Variants in THSD7B observed in about 807,000 individuals in gnomAD.
THSD7B encodes thrombospondin type-1 domain-containing protein 7B.
In THSD7B, 138 loss-of-function variants were observed where a neutral mutation model predicts 213.6. The ratio of observed to expected loss-of-function variants is 0.65; its 90% confidence interval spans 0.56 to 0.74. THSD7B has a LOEUF of 0.74. THSD7B is among the 30% of genes least tolerant of loss of function. The pLI, the probability that THSD7B is intolerant of heterozygous loss-of-function variation, is 0.00. For missense variants in THSD7B, 1,931 were observed against 1,991.5 expected, an observed-to-expected ratio of 0.97 and a Z score of 0.58; for synonymous variants, 742 against 687.0, an observed-to-expected ratio of 1.08 and a Z score of -1.25.
intron 7 of THSD7B, among the ~76,000 whole-genome samples, chr2:137,206,609 A>G (rs1195253640): frequency 6.6e-6 from 1 of 151,964 alleles, no homozygotes; most frequent in Non-Finnish European, 1.5e-5. Flanking sequence ...GCCAGCCACC[A>G]CTCCCTATAT....
At chr2:137,492,996 C>T (rs1371694248) in intron 15 of THSD7B, among the ~76,000 whole-genome samples, 1 of 151,316 alleles carries the variant, frequency 6.6e-6, no homozygotes, top group Admixed American at 6.6e-5. Flanking sequence ...TGGTGGGTGC[C>T]TATAATCCCA....
At chr2:136,793,479 G>A (rs1045453147) in intron 1 of THSD7B, among the ~76,000 whole-genome samples, 1 of 151,908 alleles carries the variant, frequency 6.6e-6, no homozygotes, top group Non-Finnish European at 1.5e-5. Context: ...CCAGTGTGTG[G>A]GGTTATCTTT....
At chr2:136,798,293 T>G (rs945526637) in intron 1 of THSD7B, among the ~76,000 whole-genome samples, 2 of 151,964 alleles carry the variant, frequency 1.3e-5, no homozygotes, top group African/African-American at 4.8e-5. Context: ...AATGATAGAC[T>G]AGGGTTGACT....
chr2:137,276,111 G>C lies in THSD7B; in HGVS notation c.2500+85G>C, dbSNP rs1328250264. 16 of 882,870 alleles carry C rather than the reference G, an allele frequency of 1.8e-5. No homozygotes were observed. In the East Asian group the frequency reaches 4.2e-4, roughly 23 times the overall value. 54.7% of individuals were successfully genotyped at this position (882,870 alleles called of 1,614,324 possible). ...ATATGTGTTGCTTACTTTTATATTT[G>C]AATGAATTGTGATATTATTGGCTTG... On this transcript the variant is annotated intron_variant, in intron 12 of 27. Transcript: ENST00000409968.
intron 1 of THSD7B, among the ~76,000 whole-genome samples, chr2:136,865,534 C>T (rs1329943177): frequency 6.6e-6 from 1 of 152,204 alleles, no homozygotes; most frequent in African/African-American, 2.4e-5. Context: ...CAACATTCTT[C>T]TGATTCCTTG....
intron 12 of THSD7B, among the ~76,000 whole-genome samples, chr2:137,276,991 A>G (rs747189411): frequency 2.6e-5 from 4 of 152,070 alleles, no homozygotes; most frequent in Non-Finnish European, 4.4e-5. Context: ...TTCTTAAGAC[A>G]TTTTACTTTC....
chr2:136,947,216 T>C (rs1263398368), intron 2 of THSD7B, among the ~76,000 whole-genome samples: 13 of 152,070 alleles, frequency 8.5e-5, no homozygotes, highest in Admixed American at 8.5e-4. Context: ...GCTTCCTGTT[T>C]ATTCTTGTGT....
chr2:137,368,336 C>T (rs1195303935), intron 12 of THSD7B, among the ~76,000 whole-genome samples: 1 of 151,318 alleles, frequency 6.6e-6, no homozygotes, highest in Admixed American at 6.6e-5. Flanking sequence ...TCTCCTTTTT[C>T]CTTTTCTCTC....
Position 137,133,180 on chromosome 2 carries a change from C to G in THSD7B, c.1369+17887C>G, listed in dbSNP as rs556973554. Among the ~76,000 whole-genome samples, 87 of 152,250 alleles carry G rather than the reference C, an allele frequency of 5.7e-4. 2 individuals are homozygous for G. The South Asian group carries it at 0.018, about 32-fold the overall frequency. The stretch of plus-strand genomic sequence containing the variant: ...ACTCTCTTTTCCTGTCTTGAGTCAA[C>G]GGTGCAAAACTGGTTTGTTTTCTCT... On this transcript the variant is annotated intron_variant, in intron 5 of 27. Transcript: ENST00000409968.
chr2:137,627,730 A>C (rs146430659), intron 20 of THSD7B, among the ~76,000 whole-genome samples: 2 of 152,212 alleles, frequency 1.3e-5, no homozygotes, highest in African/African-American at 4.8e-5. Context: ...AAAATTGACA[A>C]CTACTTCCAC....
intron 12 of THSD7B, among the ~76,000 whole-genome samples, chr2:137,303,718 A>ATATATATTTT (rs1553437359): frequency 2.6e-5 from 3 of 114,458 alleles, no homozygotes; most frequent in Non-Finnish European, 5.3e-5. Context: ...ATATATATTT[A>ATATATATTTT]TATATATATT....
chr2:137,391,798 T>G lies in THSD7B; in HGVS notation c.2501-13815T>G, dbSNP rs371103501. On this transcript the variant is annotated intron_variant, in intron 12 of 27. Transcript: ENST00000409968. ...TCTTCTGTTAACATTAGGTTTGGTTTATTCTTGCTTTTCTAGTTCCTTGAG... is the reference window on the plus strand; with the variant it reads ...TCTTCTGTTAACATTAGGTTTGGTTGATTCTTGCTTTTCTAGTTCCTTGAG... 5.4e-4 allele frequency among the ~76,000 whole-genome samples: 83 copies of G among 152,338 alleles called. No homozygotes were observed. In the South Asian group the frequency reaches 0.017, roughly 31 times the overall value.
intron 20 of THSD7B, among the ~76,000 whole-genome samples, chr2:137,625,555 G>A (rs1401903448): frequency 2.6e-5 from 4 of 152,168 alleles, no homozygotes; most frequent in Non-Finnish European, 4.4e-5. Context: ...GGACAGGCAT[G>A]AAATGTTAAA....
At chr2:137,508,074 T>G (rs1434801846) in intron 15 of THSD7B, among the ~76,000 whole-genome samples, 3 of 152,196 alleles carry the variant, frequency 2.0e-5, no homozygotes, top group African/African-American at 7.2e-5. Context: ...GCAAAACAAT[T>G]AAAATAGCGA....
intron 6 of THSD7B, among the ~76,000 whole-genome samples, chr2:137,169,167 G>C (rs371241145): frequency 8.5e-6 from 1 of 118,162 alleles, no homozygotes. Flanking sequence ...GTTATCTTAG[G>C]AAAAAAAAAA....
chr2:137,555,273 C>A (rs1165850343), intron 15 of THSD7B, among the ~76,000 whole-genome samples: 1 of 152,302 alleles, frequency 6.6e-6, no homozygotes, highest in East Asian at 1.9e-4. Context: ...CCCCGAGTAG[C>A]CTATCTGGGA....
chr2:137,297,678 T>G (rs1683499665), intron 12 of THSD7B, among the ~76,000 whole-genome samples: 1 of 152,084 alleles, frequency 6.6e-6, no homozygotes. Context: ...GGGAGGTAAT[T>G]GAATCATGGG....
At chr2:137,111,483 C>CT (rs1688345432) in intron 4 of THSD7B, among the ~76,000 whole-genome samples, 1 of 152,164 alleles carries the variant, frequency 6.6e-6, no homozygotes, top group Non-Finnish European at 1.5e-5. Context: ...TTGAACCCTG[C>CT]TTTCACTCAT....
At chr2:137,516,039 G>A (rs1680061167) in intron 15 of THSD7B, among the ~76,000 whole-genome samples, 1 of 152,208 alleles carries the variant, frequency 6.6e-6, no homozygotes, top group Non-Finnish European at 1.5e-5. Context: ...TAAATGCAAT[G>A]GGAATAATTG....
Sources: allele counts gnomAD v4.1 joint callset (sites outside exome capture counted in the v4.1 genomes callset), GRCh38; gene constraint gnomAD v4.1.1; transcripts MANE v1.5; gene names NCBI Gene and HGNC (gene_info 2026-07-23, HGNC 2026-07-21).